The following PANX1 variants were observed in gnomAD, a reference collection of about 807,000 sequenced individuals.
PANX1 encodes the protein pannexin 1.
PANX1 carries 30 observed loss-of-function variants against 38.7 expected under a neutral mutation model. That is an observed-to-expected ratio of 0.78 (90% CI 0.58 to 1.05). PANX1 has a LOEUF of 1.05. PANX1 is among the 50% of genes least tolerant of loss of function. The pLI, the probability that PANX1 is intolerant of heterozygous loss-of-function variation, is 0.00. For missense variants in PANX1, 551 were observed against 517.2 expected (o/e 1.07, Z -0.63); for synonymous variants, 230 against 212.2 (o/e 1.08, Z -0.73).
chr11:94,138,866 T>C (rs916482430), intron 1 of PANX1, among the ~76,000 whole-genome samples: 3 of 152,208 alleles, frequency 2.0e-5, no homozygotes, highest in African/African-American at 7.2e-5. Context: ...TACCCATCTT[T>C]TAATTATTTC....
At chr11:94,140,183 C>T (rs1019525019) in intron 1 of PANX1, among the ~76,000 whole-genome samples, 2 of 152,246 alleles carry the variant, frequency 1.3e-5, no homozygotes, top group Admixed American at 6.5e-5. Flanking sequence ...GAGACAGGCC[C>T]ATTCATGGGT....
At chr11:94,129,567 G>C in intron 1 of PANX1, 74 bp downstream of exon 1, 1 of 1,366,982 alleles carries the variant, frequency 7.3e-7, no homozygotes, top group Non-Finnish European at 1.0e-6. Context: ...ACGGCTCACA[G>C]GCCCGAGTCT....
Position 94,180,001 on chromosome 11 carries a change from TGATGTTCTGCATTTCAA to T in PANX1, c.946_962del (p.Asp316IlefsTer2), listed in dbSNP as rs1565387406. On this transcript the variant is annotated frameshift_variant, in exon 4 of 5. Transcript: ENST00000227638. LOFTEE classifies it high-confidence loss of function. ...AAGTGTACGAAATCCTCCCCACTTT[TGATGTTCTGCATTTCAA>T]ATCTGAAGGGTACAACGATTTGAGC... The T allele has an allele frequency of 6.3e-7, 1 of 1,596,186 alleles. No individual in the cohort carries two copies. Among genetic ancestry groups the T allele is most frequent in the Non-Finnish European group, 8.6e-7 (1 of 1,168,236 alleles).
rs1947227974 is a variant in PANX1, at chr11:94,175,946, G to A, written c.322-2423G>A. 1.1e-5 allele frequency: 11 copies of A among 960,418 alleles called. No individual in the cohort carries two copies. In the South Asian group the frequency reaches 5.3e-4, roughly 46 times the overall value. 59.5% of individuals were successfully genotyped at this position (960,418 alleles called of 1,614,324 possible). The stretch of plus-strand genomic sequence containing the variant: ...TGTGCTTATTTCTGTCTTGCGTCTG[G>A]GGCAGAGATTCCTTATGTGGGTCTG... On this transcript the variant is annotated intron_variant, in intron 2 of 4. Coordinates refer to ENST00000227638, the MANE Select transcript of PANX1 (RefSeq NM_015368.4).
At chr11:94,151,144 A>T (rs73512255) in intron 1 of PANX1, among the ~76,000 whole-genome samples, 1 of 152,140 alleles carries the variant, frequency 6.6e-6, no homozygotes, top group Non-Finnish European at 1.5e-5. Context: ...TGTCTAGTGA[A>T]TATGAGTTGG....
In PANX1 at chr11:94,180,808, A is replaced by G; in HGVS notation, c.1220A>G (p.Glu407Gly). ...TTGACAGGTATGAACATAGACAGTG[A>G]AACTAAAGCAAATAATGGAGAGAAG... Reference protein sequence around the residue: ...AELQGMNIDSETKANNGEKNA... With the variant: ...AELQGMNIDSGTKANNGEKNA... The change falls in exon 5 of 5, where the codon GAA becomes GGA. Residue 407 changes from glutamate (E) to glycine (G), a missense_variant. Coordinates refer to ENST00000227638, the MANE Select transcript of PANX1 (RefSeq NM_015368.4). The G allele has an allele frequency of 3.2e-6, 5 of 1,558,528 alleles. No individual in the cohort carries two copies. The highest frequency in any genetic ancestry group is 4.4e-6 in the Non-Finnish European group (5 of 1,129,348).
At position 94,180,258 on chromosome 11, in the gene PANX1, G is replaced by T. The variant is rs1284018027; in HGVS notation, c.1201+1G>T. 1 of 1,595,494 alleles carries T rather than the reference G, an allele frequency of 6.3e-7. No individual in the cohort carries two copies. ...GGGAACCAGACGGCAGAGCTCCAAG[G>T]TAGGGTTTGCTTTTGGCAGAGGCTA... On this transcript the variant is annotated splice_donor_variant, in intron 4 of 4. Coordinates refer to ENST00000227638, the MANE Select transcript of PANX1 (RefSeq NM_015368.4). LOFTEE classifies it high-confidence loss of function.
chr11:94,153,253 C>G (rs1481899440), intron 1 of PANX1, among the ~76,000 whole-genome samples: 1 of 152,090 alleles, frequency 6.6e-6, no homozygotes, highest in East Asian at 1.9e-4. Flanking sequence ...AGTTCTACTT[C>G]TTTTAAGAAT....
chr11:94,153,435 G>C, intron 1 of PANX1, 56 bp from the exon 2 acceptor site: 1 of 1,591,858 alleles, frequency 6.3e-7, no homozygotes, highest in Non-Finnish European at 8.6e-7. Flanking sequence ...GTGAGATGGG[G>C]ACAAGAGTCC....
At chr11:94,165,404 T>TGTA (rs377256553) in intron 2 of PANX1, among the ~76,000 whole-genome samples, 2 of 152,044 alleles carry the variant, frequency 1.3e-5, no homozygotes, top group Non-Finnish European at 2.9e-5. Context: ...CGTGCAGGTT[T>TGTA]GTTACTAATG....
chr11:94,142,613 A>G (rs535302497), intron 1 of PANX1, among the ~76,000 whole-genome samples: 1 of 152,204 alleles, frequency 6.6e-6, no homozygotes, highest in South Asian at 2.1e-4. Flanking sequence ...CATTACCCTT[A>G]TGTGATTTGT....
In PANX1 at chr11:94,141,879, G is replaced by T. The variant is rs573135131; in HGVS notation, c.182-11612G>T. On this transcript the variant is annotated intron_variant, in intron 1 of 4. Coordinates refer to ENST00000227638, the MANE Select transcript of PANX1 (RefSeq NM_015368.4). ...CAGGGTGAGAATTAAATAAATTAGCGCTCGAAGCACTGGAACGGTGTCTGG... is the reference window on the plus strand; with the variant it reads ...CAGGGTGAGAATTAAATAAATTAGCTCTCGAAGCACTGGAACGGTGTCTGG... Among the ~76,000 whole-genome samples, 164 of 152,196 alleles carry T rather than the reference G, an allele frequency of 1.1e-3. 3 individuals are homozygous for T. The highest frequency in any genetic ancestry group is 5.4e-4 in the Non-Finnish European group (37 of 68,000).
intron 2 of PANX1, chr11:94,175,630 C>G (rs1327886124): frequency 8.2e-6 from 4 of 487,000 alleles, no homozygotes; most frequent in African/African-American, 2.1e-5. Context: ...AGATAGAATG[C>G]CTGGCTTTCG....
chr11:94,176,271 T>G (rs1195542007), intron 2 of PANX1, among the ~76,000 whole-genome samples: 1 of 151,760 alleles, frequency 6.6e-6, no homozygotes, highest in East Asian at 1.9e-4. Flanking sequence ...ATATCAGTGC[T>G]CTATTTCCTT....
chr11:94,161,229 C>G (rs1947028200), intron 2 of PANX1, among the ~76,000 whole-genome samples: 1 of 151,870 alleles, frequency 6.6e-6, no homozygotes, highest in African/African-American at 2.4e-5. Flanking sequence ...CGAGGAGTAT[C>G]TTTGTGGCGT....
intron 2 of PANX1, among the ~76,000 whole-genome samples, chr11:94,166,091 T>C (rs930777169): frequency 1.3e-5 from 2 of 152,156 alleles, no homozygotes; most frequent in Non-Finnish European, 2.9e-5. Flanking sequence ...TCTTGTCACT[T>C]TATATCTTTT....
chr11:94,138,196 C>G (rs943105738), intron 1 of PANX1, among the ~76,000 whole-genome samples: 3 of 152,154 alleles, frequency 2.0e-5, no homozygotes, highest in African/African-American at 7.2e-5. Flanking sequence ...GAGTGGCTTT[C>G]CCCACAGCTG....
rs116392773 is a variant in PANX1, at chr11:94,175,019, G to A, written c.322-3350G>A. Among the ~76,000 whole-genome samples the A allele has an allele frequency of 4.5e-3, 678 of 151,716 alleles. 32 individuals are homozygous for A. Among genetic ancestry groups the A allele is most frequent in the African/African-American group, 0.016 (654 of 41,042 alleles). ...TCTTGGAAGAGCTCAATACTCACTC[G>A]AACATCATGCAGAATAGTGCCATCA... is the stretch of plus-strand genomic sequence containing the variant. On this transcript the variant is annotated intron_variant, in intron 2 of 4. Transcript: ENST00000227638.
rs530461077 is a variant in PANX1, at chr11:94,181,675, C to G, written c.*806C>G. 2 of 152,312 alleles carry G rather than the reference C, an allele frequency of 1.3e-5. No homozygotes were observed. The highest frequency in any genetic ancestry group is 3.9e-4 in the East Asian group (2 of 5,190). The allele number at this position is 152,312 out of a possible 1,614,324, so 9.4% of individuals were successfully genotyped here. On this transcript the variant is annotated 3_prime_UTR_variant, in exon 5 of 5. Transcript: ENST00000227638. ...AAGAGTTTGTCTACAGGCGGTTTCT[C>G]TGTTATCAAAGGCATTTGAAATAGG...
Sources: allele counts gnomAD v4.1 joint callset (sites outside exome capture counted in the v4.1 genomes callset), GRCh38; gene constraint gnomAD v4.1.1; transcripts MANE v1.5; gene names NCBI Gene and HGNC (gene_info 2026-07-23, HGNC 2026-07-21).